Variants in WNK2 observed in about 807,000 individuals in gnomAD.
WNK2 encodes the protein serine/threonine-protein kinase WNK2.
Under a neutral mutation model 192.1 loss-of-function variants are expected in WNK2, and 67 were observed. The observed-to-expected ratio is 0.35, with a 90% CI of 0.29 to 0.43. WNK2 has a LOEUF of 0.43. Among genes scored for constraint, WNK2 ranks in the 20% least tolerant of loss-of-function variants. WNK2 has a pLI of 1.00. For missense variants in WNK2, 2,698 were observed against 3,089.7 expected, an observed-to-expected ratio of 0.87 and a Z score of 3.01; for synonymous variants, 1,439 against 1,393.9, an observed-to-expected ratio of 1.03 and a Z score of -0.72.
chr9:93,301,046 C>A (rs1185525983), intron 26 of WNK2, among the ~76,000 whole-genome samples: 1 of 152,236 alleles, frequency 6.6e-6, no homozygotes, highest in Non-Finnish European at 1.5e-5. Flanking sequence ...TAAGCCAAAA[C>A]CCAGTCCCAG....
At chr9:93,254,401 C>T (rs546980414) in intron 9 of WNK2, among the ~76,000 whole-genome samples, 1 of 152,348 alleles carries the variant, frequency 6.6e-6, no homozygotes, top group African/African-American at 2.4e-5. Context: ...GGCCCGTCTT[C>T]TTGATGTCGG....
chr9:93,211,892 T>C (rs1348003150), intron 2 of WNK2, among the ~76,000 whole-genome samples: 1 of 137,768 alleles, frequency 7.3e-6, no homozygotes, highest in African/African-American at 3.3e-5. Flanking sequence ...ACTCACACAT[T>C]TACTCATTCA....
chr9:93,211,375 A>G (rs983429130), intron 2 of WNK2, among the ~76,000 whole-genome samples: 2 of 145,984 alleles, frequency 1.4e-5, no homozygotes, highest in South Asian at 4.4e-4. Flanking sequence ...TCACTCACTC[A>G]CACATTCACT....
chr9:93,300,511 G>C (rs1851415611), intron 26 of WNK2, among the ~76,000 whole-genome samples: 1 of 151,222 alleles, frequency 6.6e-6, no homozygotes, highest in African/African-American at 2.4e-5. Flanking sequence ...GTTGGATGTA[G>C]TTTTTTTTTC....
chr9:93,203,858 C>T (rs1475996782), intron 2 of WNK2, among the ~76,000 whole-genome samples: 1 of 152,082 alleles, frequency 6.6e-6, no homozygotes, highest in Non-Finnish European at 1.5e-5. Context: ...GCAGCCTGGT[C>T]ACTGTCCCCA....
chr9:93,293,220 C>T (rs1303686063), intron 23 of WNK2, 47 bp downstream of exon 23: 1 of 1,399,242 alleles, frequency 7.1e-7, no homozygotes, highest in Admixed American at 3.3e-5. Context: ...TGGGCCATGG[C>T]ACCCCTTCCC....
At chr9:93,199,903 A>AAAAAAAAAAAAAAAAG (rs1486588815) in intron 2 of WNK2, among the ~76,000 whole-genome samples, 1 of 150,672 alleles carries the variant, frequency 6.6e-6, no homozygotes. Flanking sequence ...TTGTCTCAAA[A>AAAAAAAAAAAAAAAAG]AAAAAAAAGA....
In WNK2 at chr9:93,239,768, A is replaced by G. The variant is rs764835958; in HGVS notation, c.1334A>G (p.Lys445Arg). ...TGCTCTCCCTCCAGGTACGAGATCA[A>G]AGACCTGCTGAGCCACGCCTTCTTC... ...CKNKEERYEI[K>R]DLLSHAFFAE... The change falls in exon 7 of 30, where the codon AAA (lysine) becomes AGA (arginine). Residue 445 changes from lysine to arginine, a missense_variant. Around this residue, in one of 7 missense-constraint regions of WNK2, gnomAD observed 230 missense variants for 501.1 expected, o/e 0.46. Coordinates refer to ENST00000427277, the MANE Select transcript of WNK2 (RefSeq NM_006648.4). This position sits in a 1 kb window ranked among gnomAD's most constrained non-coding sequence, Gnocchi z 4.2. 98 of 1,555,442 alleles carry G rather than the reference A, an allele frequency of 6.3e-5. No individual in the cohort carries two copies. The highest frequency in any genetic ancestry group is 7.4e-5 in the Non-Finnish European group (85 of 1,149,472).
chr9:93,279,962 A>AT (rs1588402430), intron 19 of WNK2, among the ~76,000 whole-genome samples: 1 of 152,202 alleles, frequency 6.6e-6, no homozygotes, highest in African/African-American at 2.4e-5. Flanking sequence ...ATGGTAGAAA[A>AT]CCTAGGAGAA....
chr9:93,262,746 A>G (rs1350028269), intron 14 of WNK2, 27 bp downstream of exon 14: 2 of 1,610,442 alleles, frequency 1.2e-6, no homozygotes, highest in Non-Finnish European at 8.5e-7. Context: ...TCGACCTCGC[A>G]GGACGGGTGT....
chr9:93,199,891 CTT>C (rs1832002840), intron 2 of WNK2, among the ~76,000 whole-genome samples: 3 of 47,440 alleles, frequency 6.3e-5, no homozygotes, highest in Admixed American at 2.9e-4. Context: ...GAGCAAGACT[CTT>C]TGTCTCAAAA....
chr9:93,297,777 C>G, intron 23 of WNK2, 76 bp from the exon 24 acceptor site: 1 of 1,461,270 alleles, frequency 6.8e-7, no homozygotes, highest in Non-Finnish European at 9.2e-7. Flanking sequence ...CCCACGCCAC[C>G]TCCCTCCTGG....
intron 2 of WNK2, among the ~76,000 whole-genome samples, chr9:93,201,193 T>G (rs1296938369): frequency 1.3e-5 from 2 of 152,188 alleles, no homozygotes; most frequent in African/African-American, 4.8e-5. Flanking sequence ...GCCCTGGCTC[T>G]TAACAGCCCC....
At chr9:93,291,785 G>T (rs971944515) in intron 21 of WNK2, among the ~76,000 whole-genome samples, 1 of 152,216 alleles carries the variant, frequency 6.6e-6, no homozygotes, top group Non-Finnish European at 1.5e-5. Context: ...ATGTCAGCTT[G>T]CTTGGCTTTT....
At chr9:93,237,532 C>T (rs1284804116) in intron 5 of WNK2, among the ~76,000 whole-genome samples, 1 of 152,154 alleles carries the variant, frequency 6.6e-6, no homozygotes, top group African/African-American at 2.4e-5. Context: ...TGTTCATTTT[C>T]CTTTACTGCT....
At chr9:93,298,203 T>A in intron 24 of WNK2, 136 bp downstream of exon 24, 1 of 992,852 alleles carries the variant, frequency 1.0e-6, no homozygotes, top group Non-Finnish European at 1.5e-6. Context: ...CTGAATCTCC[T>A]TTCCCTGGAG....
chr9:93,300,299 A>C, intron 26 of WNK2, 150 bp downstream of exon 26: 14 of 581,738 alleles, frequency 2.4e-5, no homozygotes, highest in Non-Finnish European at 3.7e-5. Flanking sequence ...GTGGAACCCC[A>C]TGAGCCGGTC....
intron 2 of WNK2, among the ~76,000 whole-genome samples, chr9:93,221,527 T>C (rs1488655865): frequency 2.0e-5 from 3 of 152,206 alleles, no homozygotes; most frequent in African/African-American, 7.2e-5. Flanking sequence ...ACATATGATT[T>C]ACAGTCACCC....
At chr9:93,238,674 C>T (rs1044176993) in intron 6 of WNK2, among the ~76,000 whole-genome samples, 6 of 152,236 alleles carry the variant, frequency 3.9e-5, no homozygotes, top group African/African-American at 1.4e-4. Context: ...AGCCTCTCTG[C>T]TCCTCTCTGC....
Sources: allele counts gnomAD v4.1 joint callset (sites outside exome capture counted in the v4.1 genomes callset), GRCh38; gene constraint gnomAD v4.1.1; regional missense constraint gnomAD v4.1.1; non-coding constraint Gnocchi (gnomAD v3.1); transcripts MANE v1.5; gene names NCBI Gene and HGNC (gene_info 2026-07-23, HGNC 2026-07-21).